Variants in COG7 observed in about 807,000 individuals in gnomAD.
The protein encoded by COG7 is conserved oligomeric Golgi complex subunit 7.
COG7 carries 49 observed loss-of-function variants against 91.5 expected under a neutral mutation model. The observed-to-expected ratio is 0.54, with a 90% CI of 0.43 to 0.68. COG7 has a LOEUF of 0.68. COG7 is among the 30% of genes least tolerant of loss of function. The pLI, the probability that COG7 is intolerant of heterozygous loss-of-function variation, is 0.00. For missense variants in COG7, 895 were observed against 961.3 expected (o/e 0.93, Z 0.91); for synonymous variants, 365 against 388.7 (o/e 0.94, Z 0.72).
intron 1 of COG7, among the ~76,000 whole-genome samples, chr16:23,451,852 C>T (rs946566334): frequency 5.3e-5 from 8 of 151,948 alleles, no homozygotes; most frequent in African/African-American, 1.4e-4. Context: ...TACTATAATA[C>T]GTTTTTTCCA....
chr16:23,399,144 T>C (rs373093240), intron 13 of COG7, among the ~76,000 whole-genome samples: 95 of 152,166 alleles, frequency 6.2e-4, no homozygotes, highest in Non-Finnish European at 9.7e-4. Flanking sequence ...GGGAAAGGAA[T>C]GACCATGTCC....
intron 3 of COG7, among the ~76,000 whole-genome samples, chr16:23,444,511 CT>C (rs11437438): frequency 1.4e-3 from 180 of 132,610 alleles, no homozygotes; most frequent in Non-Finnish European, 1.5e-3. Context: ...TTTTCTTCTT[CT>C]TTTTTTTTTT....
chr16:23,425,529 G>A lies in COG7; in HGVS notation c.811-582C>T, dbSNP rs552370659. On this transcript the variant is annotated intron_variant, in intron 6 of 16. Coordinates refer to ENST00000307149, the MANE Select transcript of COG7 (RefSeq NM_153603.4). Reference sequence around the variant, plus strand: ...TTTTATTTTATTTTTTTGTAGAGACGGGGTCTCACTATGTTGCCCAGGCTA... The same window carrying A: ...TTTTATTTTATTTTTTTGTAGAGACAGGGTCTCACTATGTTGCCCAGGCTA... 9.9e-5 allele frequency among the ~76,000 whole-genome samples: 15 copies of A among 151,808 alleles called. No individual in the cohort carries two copies. The South Asian group carries it at 1.9e-3, about 19-fold the overall frequency.
intron 11 of COG7, among the ~76,000 whole-genome samples, chr16:23,409,485 C>G (rs1035167500): frequency 6.6e-6 from 1 of 152,072 alleles, no homozygotes; most frequent in Admixed American, 6.6e-5. Flanking sequence ...TCACTTTGTA[C>G]CACCACTAAA....
In COG7 at chr16:23,413,505, T is replaced by C. The variant is rs747471728; in HGVS notation, c.1352A>G (p.His451Arg). 1 of 1,613,380 alleles carries C rather than the reference T, an allele frequency of 6.2e-7. No homozygotes were observed. Among genetic ancestry groups the C allele is most frequent in the Non-Finnish European group, 8.5e-7 (1 of 1,179,304 alleles). ...CTGGAAGAGGGAGTTGGGAGGAATGTGGTCCAGTTTGCACTTCTTTCGTAT... is the reference window on the plus strand; with the variant it reads ...CTGGAAGAGGGAGTTGGGAGGAATGCGGTCCAGTTTGCACTTCTTTCGTAT... Reference protein sequence around the residue: ...QSIRKKCKLDHIPPNSLFQED... With the variant: ...QSIRKKCKLDRIPPNSLFQED... Residue 451 changes from histidine (H) to arginine (R), a missense_variant, in exon 10 of 17, where the codon CAC becomes CGC. Transcript: ENST00000307149.
intron 2 of COG7, 130 bp from the exon 3 acceptor site, chr16:23,445,294 T>C: frequency 1.3e-6 from 1 of 772,902 alleles, no homozygotes; most frequent in Non-Finnish European, 2.4e-6. Flanking sequence ...AAAACACCAA[T>C]CATCTGGCTA....
intron 14 of COG7, among the ~76,000 whole-genome samples, chr16:23,396,980 G>A (rs1294568284): frequency 6.6e-6 from 1 of 152,092 alleles, no homozygotes; most frequent in Non-Finnish European, 1.5e-5. Flanking sequence ...TGCAATCACA[G>A]CTCACTGCAG....
intron 16 of COG7, among the ~76,000 whole-genome samples, chr16:23,390,512 C>T (rs1367135692): frequency 6.6e-6 from 1 of 151,734 alleles, no homozygotes; most frequent in Non-Finnish European, 1.5e-5. Context: ...TGCCCCCCCA[C>T]CGGCTACTTT....
intron 4 of COG7, among the ~76,000 whole-genome samples, chr16:23,437,998 T>A (rs1046276217): frequency 6.7e-6 from 1 of 148,656 alleles, no homozygotes; most frequent in Admixed American, 6.8e-5. Flanking sequence ...GGCAGGAGAA[T>A]CGCTTGAACC....
chr16:23,392,687 T>C (rs1963219166), intron 15 of COG7, among the ~76,000 whole-genome samples, 164 bp from the exon 16 acceptor site: 1 of 152,122 alleles, frequency 6.6e-6, no homozygotes, highest in Non-Finnish European at 1.5e-5. Context: ...CCCAGCACTT[T>C]AGGAGGATGA....
Position 23,390,796 on chromosome 16 carries a change from T to C in COG7, c.2146+1584A>G, listed in dbSNP as rs562911385. Among the ~76,000 whole-genome samples, 146 of 152,374 alleles carry C rather than the reference T, an allele frequency of 9.6e-4. 1 individual carries two copies. Among genetic ancestry groups the C allele is most frequent in the African/African-American group, 3.4e-3 (142 of 41,600 alleles). On this transcript the variant is annotated intron_variant, in intron 16 of 16. Transcript: ENST00000307149. ...GGCAGGGCCAGGAGGAGATGCCTGCTCTGTCACGGCTGACTCAGGAAGAGC... is the reference window on the plus strand; with the variant it reads ...GGCAGGGCCAGGAGGAGATGCCTGCCCTGTCACGGCTGACTCAGGAAGAGC...
Position 23,390,679 on chromosome 16 carries a change from G to A in COG7, c.2147-1593C>T, listed in dbSNP as rs148106263. Among the ~76,000 whole-genome samples, 864 of 152,246 alleles carry A rather than the reference G, an allele frequency of 5.7e-3. 12 individuals carry two copies. Among genetic ancestry groups the A allele is most frequent in the African/African-American group, 0.02 (829 of 41,524 alleles). On this transcript the variant is annotated intron_variant, in intron 16 of 16. Coordinates refer to ENST00000307149, the MANE Select transcript of COG7 (RefSeq NM_153603.4). ...TGGCCTCAAACTCCTAGGCCCAAGC[G>A]ATCCTCCTGCCTCGGCCTCCCAAAG...
rs763389287 is a variant in COG7 at position 23,452,991 on chromosome 16, C to T, written c.4G>A (p.Asp2Asn). The change falls in exon 1 of 17, where the codon GAC (aspartate) becomes AAC (asparagine). Residue 2 changes from aspartate to asparagine, a missense_variant. Physicochemically the swap from Asp to Asn is conservative, Grantham distance 23. Transcript: ENST00000307149. M[D>N]FSKFLADDFD... ...TCGTCTGCCAGGAACTTGGAGAAGT[C>T]CATGGCGGAACTGCCTCAGGCCTGG... 2 of 1,614,070 alleles carry T rather than the reference C, an allele frequency of 1.2e-6. No individual in the cohort carries two copies. The highest frequency in any genetic ancestry group is 1.7e-6 in the Non-Finnish European group (2 of 1,179,942).
At chr16:23,400,983 G>T (rs201478466) in intron 13 of COG7, among the ~76,000 whole-genome samples, 1 of 150,796 alleles carries the variant, frequency 6.6e-6, no homozygotes, top group Non-Finnish European at 1.5e-5. Context: ...AAAAAAAGGG[G>T]GGGGGGAAAA....
chr16:23,452,102 C>T (rs928062532), intron 1 of COG7, among the ~76,000 whole-genome samples: 3 of 152,120 alleles, frequency 2.0e-5, no homozygotes, highest in Non-Finnish European at 1.5e-5. Context: ...CTGGAAGGTG[C>T]CTCAACAAAG....
intron 15 of COG7, among the ~76,000 whole-genome samples, chr16:23,392,739 G>A (rs1810461416): frequency 6.6e-6 from 1 of 152,042 alleles, no homozygotes; most frequent in African/African-American, 2.4e-5. Flanking sequence ...AGACCAGCCT[G>A]GCCAACATGG....
intron 1 of COG7, among the ~76,000 whole-genome samples, chr16:23,447,729 G>A (rs913022974): frequency 4.6e-5 from 7 of 151,574 alleles, no homozygotes; most frequent in Non-Finnish European, 5.9e-5. Context: ...GTGAAACCCT[G>A]TCTCTACTAA....
At chr16:23,394,033 C>CA (rs1044445558) in intron 14 of COG7, among the ~76,000 whole-genome samples, 12 of 111,694 alleles carry the variant, frequency 1.1e-4, no homozygotes, top group East Asian at 2.9e-4. Context: ...GACTCTGTCT[C>CA]AAAAAAAAAG....
In COG7 at chr16:23,433,563, T is replaced by C. The variant is rs746479075; in HGVS notation, c.792A>G (p.Gln264=). ...YDALLGAWHT[Q]IQWATQVFQK... Reference sequence around the variant, plus strand: ...CTGTTACCTGTGTAGCCCACTGGATTTGTGTGTGCCAAGCACCAAGCAAGG... The same window carrying C: ...CTGTTACCTGTGTAGCCCACTGGATCTGTGTGTGCCAAGCACCAAGCAAGG... The change falls in exon 6 of 17, where the codon CAA becomes CAG. Residue 264 remains glutamine, a synonymous_variant. Coordinates refer to ENST00000307149, the MANE Select transcript of COG7 (RefSeq NM_153603.4). 8 of 1,614,000 alleles carry C rather than the reference T, an allele frequency of 5.0e-6. No homozygotes were observed. The highest frequency in any genetic ancestry group is 1.1e-5 in the South Asian group (1 of 91,076).
Sources: gnomAD v4.1 joint callset for allele counts (sites outside exome capture counted in the v4.1 genomes callset) on GRCh38, gnomAD v4.1.1 for gene constraint, MANE v1.5 for transcripts, NCBI Gene and HGNC (gene_info 2026-07-23, HGNC 2026-07-21) for gene names.